Variants in MEOX2 observed in about 807,000 individuals in gnomAD.
MEOX2 encodes homeobox protein MOX-2.
Under a neutral mutation model 27.0 loss-of-function variants are expected in MEOX2, and 11 were observed. That is an observed-to-expected ratio of 0.41 (90% CI 0.26 to 0.68). The LOEUF is 0.68. Ranked by LOEUF, MEOX2 falls within the 30% of genes least tolerant of loss-of-function variation. The pLI is 0.33. For missense variants in MEOX2, 436 were observed against 385.4 expected (o/e 1.13, Z -1.10); for synonymous variants, 189 against 155.4 (o/e 1.22, Z -1.61).
chr7:15,634,338 C>T (rs1250865412), intron 1 of MEOX2, among the ~76,000 whole-genome samples: 1 of 151,886 alleles, frequency 6.6e-6, no homozygotes, highest in African/African-American at 2.4e-5. Context: ...ACATCCCTGG[C>T]TTCTACTCAC....
chr7:15,640,252 G>A lies in MEOX2; in HGVS notation c.518-13334C>T, dbSNP rs774147718. On this transcript the variant is annotated intron_variant, in intron 1 of 2. Coordinates refer to ENST00000262041, the MANE Select transcript of MEOX2 (RefSeq NM_005924.5). ...TGCTGTTTGGGGGTTGTGTGTGTGTGTTTGTGTGTGTGTGTGTGTGTGTGT... is the reference window on the plus strand; with the variant it reads ...TGCTGTTTGGGGGTTGTGTGTGTGTATTTGTGTGTGTGTGTGTGTGTGTGT... Among the ~76,000 whole-genome samples the A allele has an allele frequency of 4.2e-5, 6 of 143,346 alleles. 2 individuals carry two copies. In the South Asian group the frequency reaches 1.3e-3, roughly 31 times the overall value. 94.0% of individuals were successfully genotyped at this position (143,346 alleles called of 152,430 possible).
In MEOX2 at chr7:15,611,846, C is replaced by T. The variant is rs1781036536; in HGVS notation, c.*541G>A. On this transcript the variant is annotated 3_prime_UTR_variant, in exon 3 of 3. Coordinates refer to ENST00000262041, the MANE Select transcript of MEOX2 (RefSeq NM_005924.5). Reference sequence around the variant, plus strand: ...GAAAATGACTTAAGGGTAATATATACAGAGTTAAAATACACTTTTTATCCA... The same window carrying T: ...GAAAATGACTTAAGGGTAATATATATAGAGTTAAAATACACTTTTTATCCA... 6.4e-6 allele frequency: 1 copy of T among 155,190 alleles called. No homozygotes were observed. Among genetic ancestry groups the T allele is most frequent in the South Asian group, 2.0e-4 (1 of 5,126 alleles). The allele number at this position is 155,190 out of a possible 1,614,324, so 9.6% of individuals were successfully genotyped here.
chr7:15,612,129 C>A lies in MEOX2; in HGVS notation c.*258G>T. 2.0e-6 allele frequency: 1 copy of A among 504,262 alleles called. No homozygotes were observed. The highest frequency in any genetic ancestry group is 3.6e-6 in the Non-Finnish European group (1 of 280,424). 31.2% of individuals were successfully genotyped at this position (504,262 alleles called of 1,614,324 possible). ...GCAAGCAAAAGCAAACACATACCTGCTCACTGCCATACGCACGACCAAACA... is the reference window on the plus strand; with the variant it reads ...GCAAGCAAAAGCAAACACATACCTGATCACTGCCATACGCACGACCAAACA... On this transcript the variant is annotated 3_prime_UTR_variant, in exon 3 of 3. Coordinates refer to ENST00000262041, the MANE Select transcript of MEOX2 (RefSeq NM_005924.5).
intron 1 of MEOX2, among the ~76,000 whole-genome samples, chr7:15,660,821 A>T (rs1259952460): frequency 6.6e-6 from 1 of 151,976 alleles, no homozygotes; most frequent in Non-Finnish European, 1.5e-5. Flanking sequence ...CAGGAGTTCA[A>T]GACCAACCTG....
At chr7:15,639,264 C>T (rs1300268201) in intron 1 of MEOX2, among the ~76,000 whole-genome samples, 1 of 151,998 alleles carries the variant, frequency 6.6e-6, no homozygotes, top group East Asian at 1.9e-4. Context: ...TTATTAGCAA[C>T]TTGTATGTCT....
chr7:15,635,934 T>G (rs1280541045), intron 1 of MEOX2, among the ~76,000 whole-genome samples: 2 of 151,972 alleles, frequency 1.3e-5, no homozygotes, highest in Non-Finnish European at 2.9e-5. Context: ...AAGTTTTATT[T>G]GGAAATTCAG....
In MEOX2 at chr7:15,626,924, A is replaced by C; in HGVS notation, c.518-6T>G. The C allele has an allele frequency of 3.1e-6, 5 of 1,611,860 alleles. No individual in the cohort carries two copies. Among genetic ancestry groups the C allele is most frequent in the Non-Finnish European group, 2.5e-6 (3 of 1,178,822 alleles). ...GTAATTTCCTTCCTGGGAGTCTGAA[A>C]AAAAAGGGAGACAGAATTGGTAATA... is the stretch of plus-strand genomic sequence containing the variant. On this transcript the variant is annotated splice_polypyrimidine_tract_variant and splice_region_variant and intron_variant, in intron 1 of 2. Transcript: ENST00000262041.
intron 2 of MEOX2, among the ~76,000 whole-genome samples, chr7:15,615,467 G>A (rs6950541): frequency 0.67 from 102,106 of 151,738 alleles, 34,593 homozygotes; most frequent in East Asian, 0.81. Flanking sequence ...CGCCATCCAT[G>A]TGATTACTAT....
intron 2 of MEOX2, among the ~76,000 whole-genome samples, chr7:15,617,038 G>T (rs530805436): frequency 6.6e-6 from 1 of 152,052 alleles, no homozygotes; most frequent in Admixed American, 6.5e-5. Flanking sequence ...AATCTGTATT[G>T]TCACACAATT....
chr7:15,640,458 T>C (rs545174082), intron 1 of MEOX2, among the ~76,000 whole-genome samples: 6 of 152,226 alleles, frequency 3.9e-5, no homozygotes, highest in African/African-American at 1.4e-4. Context: ...AGATATAAGA[T>C]CATGACATCA....
intron 1 of MEOX2, chr7:15,681,906 A>C (rs1782297303): frequency 6.6e-6 from 1 of 151,768 alleles, no homozygotes; most frequent in South Asian, 2.1e-4. Flanking sequence ...AGAATTGGAA[A>C]CTATTCCTAC....
intron 1 of MEOX2, among the ~76,000 whole-genome samples, chr7:15,683,459 T>C (rs1326838496): frequency 2.0e-5 from 3 of 152,090 alleles, no homozygotes; most frequent in Non-Finnish European, 4.4e-5. Context: ...ATTGAAATAC[T>C]AAAATGTGCT....
chr7:15,684,841 G>A lies in MEOX2; in HGVS notation c.517+1045C>T, dbSNP rs569845587. Among the ~76,000 whole-genome samples the A allele has an allele frequency of 2.8e-4, 43 of 152,346 alleles. No homozygotes were observed. In the Middle Eastern group the frequency reaches 0.014, roughly 48 times the overall value. On this transcript the variant is annotated intron_variant, in intron 1 of 2. Coordinates refer to ENST00000262041, the MANE Select transcript of MEOX2 (RefSeq NM_005924.5). ...AACTCACAAGTCTCTTAATTTTAAA[G>A]TATCTTTTAACAATTTTATAAAAAT...
chr7:15,656,127 C>T (rs1781816309), intron 1 of MEOX2, among the ~76,000 whole-genome samples: 1 of 151,672 alleles, frequency 6.6e-6, no homozygotes. Context: ...ATTTTTTTCT[C>T]TAAAGTCTAC....
chr7:15,674,123 A>T (rs1320300319), intron 1 of MEOX2, among the ~76,000 whole-genome samples: 1 of 152,172 alleles, frequency 6.6e-6, no homozygotes, highest in Non-Finnish European at 1.5e-5. Flanking sequence ...CATATTATTG[A>T]TTGACATTAG....
chr7:15,647,877 A>G (rs1223672580), intron 1 of MEOX2, among the ~76,000 whole-genome samples: 1 of 152,118 alleles, frequency 6.6e-6, no homozygotes, highest in Admixed American at 6.6e-5. Flanking sequence ...TAATAAAGAA[A>G]TGACTTCAGA....
chr7:15,672,235 G>T (rs1782112045), intron 1 of MEOX2, among the ~76,000 whole-genome samples: 1 of 152,006 alleles, frequency 6.6e-6, no homozygotes, highest in South Asian at 2.1e-4. Flanking sequence ...ATGTTTCTCA[G>T]TTGTCCAATG....
At chr7:15,650,707 G>GT (rs987852665) in intron 1 of MEOX2, among the ~76,000 whole-genome samples, 17 of 146,538 alleles carry the variant, frequency 1.2e-4, no homozygotes, top group African/African-American at 4.7e-4. Flanking sequence ...GAGTTTTTTT[G>GT]GGGGGGAGAC....
At chr7:15,615,270 T>A (rs1781104143) in intron 2 of MEOX2, among the ~76,000 whole-genome samples, 1 of 152,084 alleles carries the variant, frequency 6.6e-6, no homozygotes, top group African/African-American at 2.4e-5. Context: ...GTTAAGTGAC[T>A]TACCTAAGAT....
Sources: gnomAD v4.1 joint callset for allele counts (sites outside exome capture counted in the v4.1 genomes callset) on GRCh38, gnomAD v4.1.1 for gene constraint, MANE v1.5 for transcripts, NCBI Gene and HGNC (gene_info 2026-07-23, HGNC 2026-07-21) for gene names.